The following VPS33B variants were observed in gnomAD, a reference collection of about 807,000 sequenced individuals.
The protein encoded by VPS33B is VPS33B late endosome and lysosome associated.
A neutral mutation model predicts 95.3 loss-of-function variants in VPS33B; 80 were observed. The observed-to-expected ratio is 0.84, with a 90% CI of 0.70 to 1.01. VPS33B has a LOEUF of 1.01. VPS33B is among the 50% of genes least tolerant of loss of function. VPS33B has a pLI of 0.00. For synonymous variants in VPS33B, 280 were observed against 280.4 expected, an observed-to-expected ratio of 1.00 and a Z score of 0.01; for missense variants, 715 against 773.4, an observed-to-expected ratio of 0.92 and a Z score of 0.90.
chr15:91,017,182 G>T lies in VPS33B; in HGVS notation c.178-158C>A. 1.7e-5 allele frequency: 12 copies of T among 693,424 alleles called. 1 individual carries two copies. In the South Asian group the frequency reaches 1.7e-4, roughly 10 times the overall value. 43.0% of individuals were successfully genotyped at this position (693,424 alleles called of 1,614,324 possible). On this transcript the variant is annotated intron_variant, in intron 2 of 22. Coordinates refer to ENST00000333371, the MANE Select transcript of VPS33B (RefSeq NM_018668.5). Reference sequence around the variant, plus strand: ...ATGCTCCCCTGACGACCATCCCACTGAATTTTCCTCAAACTGTCAATAGAA... The same window carrying T: ...ATGCTCCCCTGACGACCATCCCACTTAATTTTCCTCAAACTGTCAATAGAA...
Position 90,998,938 on chromosome 15 carries a change from T to G in VPS33B, c.*37A>C, listed in dbSNP as rs1292436750. ...GATGCCTGCATCTCACTGAGGAATGTGTTCAGGGAAGATGTCAACACTGGC... is the reference window on the plus strand; with the variant it reads ...GATGCCTGCATCTCACTGAGGAATGGGTTCAGGGAAGATGTCAACACTGGC... On this transcript the variant is annotated 3_prime_UTR_variant, in exon 23 of 23. Coordinates refer to ENST00000333371, the MANE Select transcript of VPS33B (RefSeq NM_018668.5). This position sits in a 1 kb window ranked among gnomAD's most constrained non-coding sequence, Gnocchi z 4.8. The G allele has an allele frequency of 6.2e-7, 1 of 1,611,048 alleles. No homozygotes were observed. The highest frequency in any genetic ancestry group is 1.7e-5 in the Admixed American group (1 of 59,710).
chr15:91,009,935 CAAT>C lies in VPS33B; in HGVS notation c.358-92_358-90del. On this transcript the variant is annotated intron_variant, in intron 5 of 22. Transcript: ENST00000333371. The surrounding 1 kb of genome is among the most constrained non-coding windows in gnomAD (Gnocchi z 4.1). ...GTTCCTCTGTGGTCACTGATGAGGACAATAATTGCCGAACCCAGTGAAAGACAA... is the reference window on the plus strand; with the variant it reads ...GTTCCTCTGTGGTCACTGATGAGGACAATTGCCGAACCCAGTGAAAGACAA... The C allele has an allele frequency of 6.8e-7, 1 of 1,469,010 alleles. No individual in the cohort carries two copies. The highest frequency in any genetic ancestry group is 9.5e-7 in the Non-Finnish European group (1 of 1,051,700). 91.0% of individuals were successfully genotyped at this position (1,469,010 alleles called of 1,614,324 possible).
At chr15:91,020,260 A>T (rs1008978951) in intron 1 of VPS33B, among the ~76,000 whole-genome samples, 5 of 152,366 alleles carry the variant, frequency 3.3e-5, no homozygotes, top group African/African-American at 1.2e-4. Flanking sequence ...ACCATAAAAA[A>T]GTTATGTGTA....
Position 90,999,574 on chromosome 15 carries a change from C to T in VPS33B, c.1774+103G>A. ...CCTCAGGTGATCTGCCCGCCTCCGC[C>T]TCCCAAAGTGCTGAGATTACAGGTA... On this transcript the variant is annotated intron_variant, in intron 22 of 22. Transcript: ENST00000333371. The surrounding 1 kb of genome is among the most constrained non-coding windows in gnomAD (Gnocchi z 5.1). The T allele has an allele frequency of 3.2e-6, 4 of 1,256,124 alleles. No individual in the cohort carries two copies. Among genetic ancestry groups the T allele is most frequent in the Non-Finnish European group, 4.6e-6 (4 of 862,462 alleles). The allele number at this position is 1,256,124 out of a possible 1,614,324, so 77.8% of individuals were successfully genotyped here.
Position 91,012,821 on chromosome 15 carries a change from T to G in VPS33B, c.357+983A>C, listed in dbSNP as rs1596364690. Reference sequence around the variant, plus strand: ...TGGACCTCCAAATATGTACTGCAATTATTGAGTTAAAGATGGAAGAGCTCT... The same window carrying G: ...TGGACCTCCAAATATGTACTGCAATGATTGAGTTAAAGATGGAAGAGCTCT... On this transcript the variant is annotated intron_variant, in intron 5 of 22. Coordinates refer to ENST00000333371, the MANE Select transcript of VPS33B (RefSeq NM_018668.5). Among the ~76,000 whole-genome samples the G allele has an allele frequency of 2.6e-5, 4 of 152,316 alleles. No individual in the cohort carries two copies. The South Asian group carries it at 8.3e-4, about 32-fold the overall frequency.
chr15:91,000,700 G>C lies in VPS33B; in HGVS notation c.1480-109C>G, dbSNP rs142049604. ...AGGAACAATTCTTATTTCAACTAAA[G>C]GGAGAACCAGCAATAGCCCTGAAAA... On this transcript the variant is annotated intron_variant, in intron 19 of 22. Coordinates refer to ENST00000333371, the MANE Select transcript of VPS33B (RefSeq NM_018668.5). The surrounding 1 kb of genome is among the most constrained non-coding windows in gnomAD (Gnocchi z 4.9). 756 of 951,750 alleles carry C rather than the reference G, an allele frequency of 7.9e-4. 4 individuals are homozygous for C. The African/African-American group carries it at 0.011, about 14-fold the overall frequency. The allele number at this position is 951,750 out of a possible 1,614,324, so 59.0% of individuals were successfully genotyped here.
At position 91,000,009 on chromosome 15, in the gene VPS33B, A is replaced by G; in HGVS notation, c.1582-34T>C. ...GTGTAAGCACTGTTTTTAAGGCTAC[A>G]GACAGTATCAGGCTTAGGAAAGGAA... On this transcript the variant is annotated intron_variant, in intron 20 of 22. Transcript: ENST00000333371. This position sits in a 1 kb window ranked among gnomAD's most constrained non-coding sequence, Gnocchi z 4.9. 3.1e-6 allele frequency: 5 copies of G among 1,613,020 alleles called. No individual in the cohort carries two copies. Among genetic ancestry groups the G allele is most frequent in the Admixed American group, 1.7e-5 (1 of 60,012 alleles).
Position 91,022,359 on chromosome 15 carries a change from T to A in VPS33B, c.-110A>T. The stretch of plus-strand genomic sequence containing the variant: ...CTATCCTTCAGGCCTGGGCACCGAC[T>A]TCCAGAGACCCCAGATGGGCCCTCG... On this transcript the variant is annotated 5_prime_UTR_variant, in exon 1 of 23. It adds an upstream start codon to the 5' untranslated region. Transcript: ENST00000333371. The A allele has an allele frequency of 9.0e-7, 1 of 1,116,358 alleles. No homozygotes were observed. Among genetic ancestry groups the A allele is most frequent in the African/African-American group, 1.6e-5 (1 of 63,420 alleles). 69.2% of individuals were successfully genotyped at this position (1,116,358 alleles called of 1,614,324 possible). A position where few individuals can be genotyped will look rare whatever the true frequency, so the allele number is the denominator to read the frequency against.
At position 91,000,000 on chromosome 15, in the gene VPS33B, T is replaced by TAA. The variant is rs1434292181; in HGVS notation, c.1582-27_1582-26dup. ...CCTGGGAAGGTGTAAGCACTGTTTT[T>TAA]AAGGCTACAGACAGTATCAGGCTTA... On this transcript the variant is annotated intron_variant, in intron 20 of 22. Transcript: ENST00000333371. The surrounding 1 kb of genome is among the most constrained non-coding windows in gnomAD (Gnocchi z 5.1). 1.2e-6 allele frequency: 2 copies of TAA among 1,613,788 alleles called. No homozygotes were observed. The highest frequency in any genetic ancestry group is 4.5e-5 in the East Asian group (2 of 44,898).
chr15:91,022,061 A>G, intron 1 of VPS33B, 93 bp downstream of exon 1: 1 of 1,425,478 alleles, frequency 7.0e-7, no homozygotes, highest in Non-Finnish European at 9.7e-7. Flanking sequence ...ACCAGGGGCC[A>G]AGAACAAGAT....
In VPS33B at chr15:91,001,470, A is replaced by G. The variant is rs905405296; in HGVS notation, c.1406-8T>C. 5 of 1,613,724 alleles carry G rather than the reference A, an allele frequency of 3.1e-6. No individual in the cohort carries two copies. In the African/African-American group the frequency reaches 6.7e-5, roughly 22 times the overall value. ...AGGCATCAGTAATCTTTCCTGGGGA[A>G]GAAATCTGTGTCAGGTTTCACCTAA... On this transcript the variant is annotated splice_polypyrimidine_tract_variant and splice_region_variant and intron_variant, in intron 18 of 22. Transcript: ENST00000333371.
At position 91,014,824 on chromosome 15, in the gene VPS33B, C is replaced by T. The variant is rs1028771844; in HGVS notation, c.240-391G>A. On this transcript the variant is annotated intron_variant, in intron 3 of 22. Coordinates refer to ENST00000333371, the MANE Select transcript of VPS33B (RefSeq NM_018668.5). ...AATAAAGGCTGGGCATGGTGGCTCA[C>T]ACCTGTAATCTTAACACTCCGGGAA... 7.9e-5 allele frequency among the ~76,000 whole-genome samples: 12 copies of T among 151,506 alleles called. No individual in the cohort carries two copies. The South Asian group carries it at 1.7e-3, about 21-fold the overall frequency.
chr15:90,999,264 C>A lies in VPS33B; in HGVS notation c.1775-210G>T. 1 of 626,120 alleles carries A rather than the reference C, an allele frequency of 1.6e-6. No homozygotes were observed. Among genetic ancestry groups the A allele is most frequent in the Non-Finnish European group, 2.8e-6 (1 of 351,466 alleles). 38.8% of individuals were successfully genotyped at this position (626,120 alleles called of 1,614,324 possible). ...TGGCAGCCCAGAGTTAAGGCTATGG[C>A]AAGTTGTATTCTGAGGCCAGGAGAA... On this transcript the variant is annotated intron_variant, in intron 22 of 22. Coordinates refer to ENST00000333371, the MANE Select transcript of VPS33B (RefSeq NM_018668.5). The surrounding 1 kb of genome is among the most constrained non-coding windows in gnomAD (Gnocchi z 5.1).
rs1310160276 is a variant in VPS33B, at chr15:91,009,725, G to A, written c.403+76C>T. ...GGAGCTGGTGGTGGGGGTGGGGTGG[G>A]GGGGTTGGAGAACAACAACAGTTTT... On this transcript the variant is annotated intron_variant, in intron 6 of 22. Coordinates refer to ENST00000333371, the MANE Select transcript of VPS33B (RefSeq NM_018668.5). The surrounding 1 kb of genome is among the most constrained non-coding windows in gnomAD (Gnocchi z 4.1). The A allele has an allele frequency of 6.6e-7, 1 of 1,512,614 alleles. No homozygotes were observed. Among genetic ancestry groups the A allele is most frequent in the Non-Finnish European group, 9.1e-7 (1 of 1,100,008 alleles). 93.7% of individuals were successfully genotyped at this position (1,512,614 alleles called of 1,614,324 possible).
rs147701083 is a variant in VPS33B, at chr15:91,016,664, A to G, written c.239+299T>C. Among the ~76,000 whole-genome samples, 599 of 152,236 alleles carry G rather than the reference A, an allele frequency of 3.9e-3. 2 individuals carry two copies. The highest frequency in any genetic ancestry group is 0.014 in the African/African-American group (571 of 41,558). ...CTCCCAAAGTGCTGGGATTACAGGCATGAGCCGCCGCACCCAGCTGCCTTG... is the reference window on the plus strand; with the variant it reads ...CTCCCAAAGTGCTGGGATTACAGGCGTGAGCCGCCGCACCCAGCTGCCTTG... On this transcript the variant is annotated intron_variant, in intron 3 of 22. Coordinates refer to ENST00000333371, the MANE Select transcript of VPS33B (RefSeq NM_018668.5).
Position 91,006,557 on chromosome 15 carries a change from G to A in VPS33B, c.778+95C>T. ...TTTGGAAGCCAGCAGTTCATTCAGG[G>A]TCTGGGTCTCTCCCACAAACCCTGC... On this transcript the variant is annotated intron_variant, in intron 10 of 22. Transcript: ENST00000333371. This position sits in a 1 kb window ranked among gnomAD's most constrained non-coding sequence, Gnocchi z 5.4. The A allele has an allele frequency of 6.2e-7, 1 of 1,607,426 alleles. No individual in the cohort carries two copies. The highest frequency in any genetic ancestry group is 2.2e-5 in the East Asian group (1 of 44,834).
chr15:91,016,816 C>T (rs1402758672), intron 3 of VPS33B, 147 bp downstream of exon 3: 9 of 791,798 alleles, frequency 1.1e-5, no homozygotes, highest in Admixed American at 2.1e-5. Context: ...GAAAACAAAA[C>T]AAAACAACAG....
Position 91,009,879 on chromosome 15 carries a change from C to G in VPS33B, c.358-33G>C, listed in dbSNP as rs1567225169. The stretch of plus-strand genomic sequence containing the variant: ...AGAAAAGGAAATTGATTAGTAACTA[C>G]CTTCTTCTCTGTTCTCTCCATTTCT... On this transcript the variant is annotated intron_variant, in intron 5 of 22. Transcript: ENST00000333371. This position sits in a 1 kb window ranked among gnomAD's most constrained non-coding sequence, Gnocchi z 4.1. The G allele has an allele frequency of 6.2e-7, 1 of 1,613,158 alleles. No individual in the cohort carries two copies. Among genetic ancestry groups the G allele is most frequent in the East Asian group, 2.2e-5 (1 of 44,876 alleles).
chr15:91,010,774 A>G lies in VPS33B; in HGVS notation c.358-928T>C, dbSNP rs1377604757. 1.3e-5 allele frequency among the ~76,000 whole-genome samples: 2 copies of G among 152,194 alleles called. No homozygotes were observed. Among genetic ancestry groups the G allele is most frequent in the Non-Finnish European group, 2.9e-5 (2 of 68,030 alleles). On this transcript the variant is annotated intron_variant, in intron 5 of 22. Coordinates refer to ENST00000333371, the MANE Select transcript of VPS33B (RefSeq NM_018668.5). This position sits in a 1 kb window ranked among gnomAD's most constrained non-coding sequence, Gnocchi z 5.7. Reference sequence around the variant, plus strand: ...GGGCAGGAGAAAACAGCAACAGTCAAGGCAGGAAAGGTGAGAGTTGCAAGG... The same window carrying G: ...GGGCAGGAGAAAACAGCAACAGTCAGGGCAGGAAAGGTGAGAGTTGCAAGG...
Sources: gnomAD v4.1 joint callset for allele counts (sites outside exome capture counted in the v4.1 genomes callset) on GRCh38, gnomAD v4.1.1 for gene constraint, Gnocchi (gnomAD v3.1) non-coding constraint, MANE v1.5 for transcripts, NCBI Gene and HGNC (gene_info 2026-07-23, HGNC 2026-07-21) for gene names.